MRGBP: variants seen among roughly 807,000 people sequenced by gnomAD.
MRGBP encodes the protein MRG domain binding protein.
In MRGBP, 5 loss-of-function variants were observed where a neutral mutation model predicts 21.5. The ratio of observed to expected loss-of-function variants is 0.23; its 90% CI spans 0.12 to 0.49. The LOEUF (loss-of-function observed/expected upper bound fraction) is 0.49, where lower values mean the gene tolerates loss of function less well. MRGBP is among the 20% of genes least tolerant of loss of function. The probability of loss-of-function intolerance (pLI) is 0.98; values close to 1 mark genes in which losing one functional copy is unlikely to be tolerated. For missense variants in MRGBP, 227 were observed against 277.4 expected (o/e 0.82, Z 1.29); for synonymous variants, 118 against 104.4 (o/e 1.13, Z -0.79).
chr20:62,798,715 C>T (rs369212207), intron 3 of MRGBP, 47 bp downstream of exon 3: 17 of 1,602,902 alleles, frequency 1.1e-5, no homozygotes, highest in Non-Finnish European at 1.5e-5. Flanking sequence ...AAGGCCAGAC[C>T]CTGGCCAAGG....
At position 62,799,798 on chromosome 20, in the gene MRGBP, C is replaced by T. The variant is rs543112417; in HGVS notation, c.*155C>T. On this transcript the variant is annotated 3_prime_UTR_variant, in exon 5 of 5. Coordinates refer to ENST00000370487, the MANE Select transcript of MRGBP (RefSeq NM_018270.6). ...CCTCAGGCTCTCAGGTGAACGTGGC[C>T]GTCAGCGGGGAAACGTGTGTGTCAG... is the stretch of plus-strand genomic sequence containing the variant. 2.8e-4 allele frequency: 223 copies of T among 793,952 alleles called. No individual in the cohort carries two copies. The highest frequency in any genetic ancestry group is 2.2e-3 in the East Asian group (82 of 36,886). 49.2% of individuals were successfully genotyped at this position (793,952 alleles called of 1,614,324 possible). A position where few individuals can be genotyped will look rare whatever the true frequency, so the allele number is the denominator to read the frequency against.
chr20:62,799,125 T>A (rs975246591), intron 4 of MRGBP, 76 bp downstream of exon 4: 3 of 1,478,908 alleles, frequency 2.0e-6, no homozygotes, highest in South Asian at 2.4e-5. Flanking sequence ...CAGGGCACAG[T>A]CAGGTGGGCG....
chr20:62,799,135 G>A (rs995125687), intron 4 of MRGBP, 86 bp downstream of exon 4: 120 of 1,417,284 alleles, frequency 8.5e-5, no homozygotes, highest in Admixed American at 2.6e-4. Context: ...TCAGGTGGGC[G>A]TAGAGCCTGC....
In MRGBP at chr20:62,799,899, A is replaced by C. The variant is rs11554807; in HGVS notation, c.*256A>C. On this transcript the variant is annotated 3_prime_UTR_variant, in exon 5 of 5. Coordinates refer to ENST00000370487, the MANE Select transcript of MRGBP (RefSeq NM_018270.6). ...TCAGATATTGAGGGCTCTGAAGCCTAGTTCTGTCTTCTCTGGAGCAGCTGT... is the reference window on the plus strand; with the variant it reads ...TCAGATATTGAGGGCTCTGAAGCCTCGTTCTGTCTTCTCTGGAGCAGCTGT... The C allele has an allele frequency of 0.29, 124,243 of 424,746 alleles. 20,031 individuals are homozygous for C. The highest frequency in any genetic ancestry group is 0.46 in the African/African-American group (23,032 of 50,274). 26.3% of individuals were successfully genotyped at this position (424,746 alleles called of 1,614,324 possible). A position where few individuals can be genotyped will look rare whatever the true frequency, so the allele number is the denominator to read the frequency against.
At chr20:62,797,791 C>T (rs768866958) in intron 2 of MRGBP, among the ~76,000 whole-genome samples, 7 of 152,210 alleles carry the variant, frequency 4.6e-5, no homozygotes, top group Non-Finnish European at 5.9e-5. Flanking sequence ...CACTGTGTGA[C>T]GGGCGAGCGG....
chr20:62,796,707 G>A (rs780410242), intron 1 of MRGBP, 36 bp downstream of exon 1: 2 of 1,256,552 alleles, frequency 1.6e-6, no homozygotes, highest in South Asian at 2.3e-5. Context: ...GTGGGGGCGG[G>A]GCGGGCAACC....
In MRGBP at chr20:62,801,069, C is replaced by A. The variant is rs901385253; in HGVS notation, c.*1426C>A. 2.6e-5 allele frequency: 4 copies of A among 152,246 alleles called. No individual in the cohort carries two copies. The highest frequency in any genetic ancestry group is 9.7e-5 in the African/African-American group (4 of 41,446). The allele number at this position is 152,246 out of a possible 1,614,324, so 9.4% of individuals were successfully genotyped here. ...GTCCTCCTCACCATGACGCAGATCACAAGGCACCCACTAAAGGGGCAAAGC... is the reference window on the plus strand; with the variant it reads ...GTCCTCCTCACCATGACGCAGATCAAAAGGCACCCACTAAAGGGGCAAAGC... On this transcript the variant is annotated 3_prime_UTR_variant, in exon 5 of 5. Coordinates refer to ENST00000370487, the MANE Select transcript of MRGBP (RefSeq NM_018270.6).
rs373204189 is a variant in MRGBP at position 62,799,625 on chromosome 20, C to G, written c.597C>G (p.Ala199=). The G allele has an allele frequency of 1.2e-6, 2 of 1,612,556 alleles. No homozygotes were observed. Among genetic ancestry groups the G allele is most frequent in the African/African-American group, 1.3e-5 (1 of 74,930 alleles). ...GCAACCCTTCCAGTCCCAGTGCTGC[C>G]AAGCGGCGCCGCACGTAGACCCTCA... ...ANSNPSSPSA[A]KRRRT is the part of the protein sequence containing the mutation. Residue 199 remains alanine, a synonymous_variant, in exon 5 of 5, where the codon GCC becomes GCG. Transcript: ENST00000370487.
At chr20:62,797,868 G>A (rs528685122) in intron 2 of MRGBP, among the ~76,000 whole-genome samples, 5 of 152,304 alleles carry the variant, frequency 3.3e-5, no homozygotes, top group Admixed American at 6.5e-5. Context: ...GCAGCAGGAG[G>A]TGGTGGGTCC....
intron 2 of MRGBP, among the ~76,000 whole-genome samples, chr20:62,798,316 A>T (rs1990379849): frequency 6.6e-6 from 1 of 152,176 alleles, no homozygotes; most frequent in Non-Finnish European, 1.5e-5. Flanking sequence ...GGCCCGCCTT[A>T]GTGATGCTGG....
chr20:62,796,629 G>A lies in MRGBP; in HGVS notation c.106G>A (p.Glu36Lys). The change falls in exon 1 of 5, where the codon GAG becomes AAG. Residue 36 changes from glutamate (E) to lysine (K), a missense_variant. This residue lies in a region of MRGBP where 65 missense variants were observed against 49.7 expected (regional missense o/e 1.31). Transcript: ENST00000370487. Reference sequence around the variant, plus strand: ...GACAGTGGTGTGGAGCCCCGAGGTGGAGGTGTGCCTCTTCCACGCCATGCT... The same window carrying A: ...GACAGTGGTGTGGAGCCCCGAGGTGAAGGTGTGCCTCTTCCACGCCATGCT... ...EETVVWSPEV[E>K]VCLFHAMLGH... is the part of the protein sequence containing the mutation. 1 of 1,338,174 alleles carries A rather than the reference G, an allele frequency of 7.5e-7. No individual in the cohort carries two copies. Among genetic ancestry groups the A allele is most frequent in the Non-Finnish European group, 9.6e-7 (1 of 1,041,028 alleles). The allele number at this position is 1,338,174 out of a possible 1,614,324, so 82.9% of individuals were successfully genotyped here.
At chr20:62,798,250 C>T (rs912239646) in intron 2 of MRGBP, among the ~76,000 whole-genome samples, 9 of 152,232 alleles carry the variant, frequency 5.9e-5, no homozygotes, top group South Asian at 2.1e-4. Context: ...GACTGCAGGC[C>T]GTGCTGGGCA....
At chr20:62,796,716 C>A in intron 1 of MRGBP, 45 bp downstream of exon 1, 1 of 1,240,228 alleles carries the variant, frequency 8.1e-7, no homozygotes, top group South Asian at 2.4e-5. Context: ...GGGCGGGCAA[C>A]CGGCGGGGCG....
intron 3 of MRGBP, 153 bp downstream of exon 3, chr20:62,798,821 C>G: frequency 1.0e-6 from 1 of 985,392 alleles, no homozygotes; most frequent in Non-Finnish European, 1.2e-6. Context: ...CTTGGAACCT[C>G]CGGGATTGGA....
chr20:62,796,631 G>C lies in MRGBP; in HGVS notation c.108G>C (p.Glu36Asp). The change falls in exon 1 of 5, where the codon GAG (glutamate) becomes GAC (aspartate). Residue 36 changes from glutamate to aspartate, a missense_variant. This residue lies in a region of MRGBP where 65 missense variants were observed against 49.7 expected (regional missense o/e 1.31). Coordinates refer to ENST00000370487, the MANE Select transcript of MRGBP (RefSeq NM_018270.6). ...EETVVWSPEV[E>D]VCLFHAMLGH... is the part of the protein sequence containing the mutation. Reference sequence around the variant, plus strand: ...CAGTGGTGTGGAGCCCCGAGGTGGAGGTGTGCCTCTTCCACGCCATGCTGG... The same window carrying C: ...CAGTGGTGTGGAGCCCCGAGGTGGACGTGTGCCTCTTCCACGCCATGCTGG... 1 of 1,340,432 alleles carries C rather than the reference G, an allele frequency of 7.5e-7. No homozygotes were observed. Among genetic ancestry groups the C allele is most frequent in the Non-Finnish European group, 9.6e-7 (1 of 1,042,316 alleles). 83.0% of individuals were successfully genotyped at this position (1,340,432 alleles called of 1,614,324 possible).
rs905827037 is a variant in MRGBP, at chr20:62,800,938, T to C, written c.*1295T>C. On this transcript the variant is annotated 3_prime_UTR_variant, in exon 5 of 5. Transcript: ENST00000370487. ...TCCGTGTGCGGACGAGGAGACAAGC[T>C]GTCCTGGCCAGCCATCGCACCCCAA... 2.6e-5 allele frequency: 4 copies of C among 152,130 alleles called. No homozygotes were observed. Among genetic ancestry groups the C allele is most frequent in the Admixed American group, 2.6e-4 (4 of 15,278 alleles). The allele number at this position is 152,130 out of a possible 1,614,324, so 9.4% of individuals were successfully genotyped here.
Position 62,799,811 on chromosome 20 carries a change from A to T in MRGBP, c.*168A>T, listed in dbSNP as rs116883192. ...GGTGAACGTGGCCGTCAGCGGGGAA[A>T]CGTGTGTGTCAGTTGGACCATGTGG... On this transcript the variant is annotated 3_prime_UTR_variant, in exon 5 of 5. Coordinates refer to ENST00000370487, the MANE Select transcript of MRGBP (RefSeq NM_018270.6). 0.016 allele frequency: 11,299 copies of T among 707,298 alleles called. 132 individuals are homozygous for T. Among genetic ancestry groups the T allele is most frequent in the Non-Finnish European group, 0.022 (9,815 of 438,680 alleles). 43.8% of individuals were successfully genotyped at this position (707,298 alleles called of 1,614,324 possible).
intron 4 of MRGBP, 106 bp downstream of exon 4, chr20:62,799,155 GC>G: frequency 1.7e-6 from 2 of 1,209,418 alleles, no homozygotes; most frequent in Non-Finnish European, 2.3e-6. Context: ...CGGTGCAGAG[GC>G]CCCAGGCAGG....
In MRGBP at chr20:62,799,887, G is replaced by A. The variant is rs375207438; in HGVS notation, c.*244G>A. 4.1e-5 allele frequency: 19 copies of A among 462,552 alleles called. No individual in the cohort carries two copies. Among genetic ancestry groups the A allele is most frequent in the African/African-American group, 3.1e-4 (16 of 51,344 alleles). The allele number at this position is 462,552 out of a possible 1,614,324, so 28.7% of individuals were successfully genotyped here. Reference sequence around the variant, plus strand: ...GATCGGTCCAGCTCAGATATTGAGGGCTCTGAAGCCTAGTTCTGTCTTCTC... The same window carrying A: ...GATCGGTCCAGCTCAGATATTGAGGACTCTGAAGCCTAGTTCTGTCTTCTC... On this transcript the variant is annotated 3_prime_UTR_variant, in exon 5 of 5. Coordinates refer to ENST00000370487, the MANE Select transcript of MRGBP (RefSeq NM_018270.6).
Sources: allele counts gnomAD v4.1 joint callset (sites outside exome capture counted in the v4.1 genomes callset), GRCh38; gene constraint gnomAD v4.1.1; regional missense constraint gnomAD v4.1.1; transcripts MANE v1.5; gene names NCBI Gene and HGNC (gene_info 2026-07-23, HGNC 2026-07-21).